Variants in MBTPS1 observed in about 807,000 individuals in gnomAD.
MBTPS1 encodes the protein membrane bound transcription factor peptidase, site 1, also known as membrane-bound transcription factor site-1 protease.
A neutral mutation model predicts 127.8 loss-of-function variants in MBTPS1; 94 were observed. That is an observed-to-expected ratio of 0.74 (90% CI 0.62 to 0.87). MBTPS1 has a LOEUF of 0.87. Ranked by LOEUF, MBTPS1 falls within the 40% of genes least tolerant of loss-of-function variation. The probability of loss-of-function intolerance (pLI) is 0.00; values close to 1 mark genes in which losing one functional copy is unlikely to be tolerated. For missense variants in MBTPS1, 1,636 were observed against 1,353.2 expected (o/e 1.21, Z -3.28); for synonymous variants, 632 against 509.4 (o/e 1.24, Z -3.24).
chr16:84,092,565 C>G (rs907897806), intron 6 of MBTPS1, among the ~76,000 whole-genome samples: 1 of 152,150 alleles, frequency 6.6e-6, no homozygotes, highest in African/African-American at 2.4e-5. Flanking sequence ...AGGAAAGAAC[C>G]TGCTGGACGG....
intron 11 of MBTPS1, among the ~76,000 whole-genome samples, chr16:84,080,535 C>T (rs547817903): frequency 1.3e-5 from 2 of 152,392 alleles, no homozygotes; most frequent in African/African-American, 4.8e-5. Flanking sequence ...CTGCAGGACA[C>T]TGCTGGCTGA....
At chr16:84,092,048 T>A (rs1159579273) in intron 6 of MBTPS1, among the ~76,000 whole-genome samples, 200 bp from the exon 7 acceptor site, 4 of 152,194 alleles carry the variant, frequency 2.6e-5, no homozygotes, top group Admixed American at 6.5e-5. Flanking sequence ...TCCTTGGAGC[T>A]GAACCTAAGG....
At chr16:84,112,745 C>T (rs1014292994) in intron 1 of MBTPS1, among the ~76,000 whole-genome samples, 2 of 150,908 alleles carry the variant, frequency 1.3e-5, no homozygotes, top group South Asian at 4.2e-4. Flanking sequence ...GAGGCCGAGA[C>T]GGGCAGATCA....
intron 13 of MBTPS1, among the ~76,000 whole-genome samples, chr16:84,070,345 T>C (rs899866238): frequency 2.6e-5 from 4 of 152,220 alleles, no homozygotes; most frequent in Non-Finnish European, 4.4e-5. Context: ...TGAAATCTGG[T>C]AGAAAACAGT....
At chr16:84,109,555 C>T (rs1404910798) in intron 1 of MBTPS1, 1 of 152,340 alleles carries the variant, frequency 6.6e-6, no homozygotes, top group Middle Eastern at 3.4e-3. Context: ...GGCATCACTT[C>T]TGGGAGGTTC....
chr16:84,054,499 G>A lies in MBTPS1; in HGVS notation c.3109C>T (p.Arg1037Cys), dbSNP rs996381223. ...RPKRRKPRVKRPQLMQQVHPP... is the reference protein window; with the variant it reads ...RPKRRKPRVKCPQLMQQVHPP... ...TGAACCTGCTGCATGAGCTGCGGGC[G>A]CTTCACCCTGGGCTTCCTCCGCTTC... The change falls in exon 23 of 23, where the codon CGC becomes TGC. Residue 1037 changes from arginine to cysteine, a missense_variant. By Grantham distance (180) the Arg-to-Cys change is radical. Coordinates refer to ENST00000343411, the MANE Select transcript of MBTPS1 (RefSeq NM_003791.4). 5.0e-6 allele frequency: 8 copies of A among 1,613,058 alleles called. No homozygotes were observed. The highest frequency in any genetic ancestry group is 1.1e-5 in the South Asian group (1 of 90,984).
intron 1 of MBTPS1, among the ~76,000 whole-genome samples, chr16:84,114,502 C>A (rs1487248809): frequency 6.6e-6 from 1 of 152,038 alleles, no homozygotes; most frequent in Non-Finnish European, 1.5e-5. Flanking sequence ...ACATAGGGCA[C>A]CTCCAAACTT....
In MBTPS1 at chr16:84,060,701, G is replaced by C. The variant is rs776882618; in HGVS notation, c.2685C>G (p.Val895=). 3 of 1,614,030 alleles carry C rather than the reference G, an allele frequency of 1.9e-6. No individual in the cohort carries two copies. Among genetic ancestry groups the C allele is most frequent in the Admixed American group, 3.3e-5 (2 of 60,018 alleles). Reference sequence around the variant, plus strand: ...ACTCACCTTCCATCCTCTCTGGAGTGACTGAGCCTGCTCCACTGGGAGGGC... The same window carrying C: ...ACTCACCTTCCATCCTCTCTGGAGTCACTGAGCCTGCTCCACTGGGAGGGC... ...RQRPPSGAGS[V]TPERMEGNHL... Residue 895 remains valine (V), a synonymous_variant, in exon 20 of 23, where the codon GTC becomes GTG. Transcript: ENST00000343411.
rs1423319967 is a variant in MBTPS1, at chr16:84,116,757, C to A, written c.-347G>T. The A allele has an allele frequency of 6.6e-6, 1 of 152,122 alleles. No individual in the cohort carries two copies. Among genetic ancestry groups the A allele is most frequent in the Non-Finnish European group, 1.5e-5 (1 of 68,038 alleles). The allele number at this position is 152,122 out of a possible 1,614,324, so 9.4% of individuals were successfully genotyped here. On this transcript the variant is annotated 5_prime_UTR_variant, in exon 1 of 23. Coordinates refer to ENST00000343411, the MANE Select transcript of MBTPS1 (RefSeq NM_003791.4). ...TACCTGCGCCGCCGGGAGCTCAGGG[C>A]CGGCGGGCCCGGGATAACGGCGCCT...
intron 3 of MBTPS1, among the ~76,000 whole-genome samples, chr16:84,096,158 G>C (rs1004382678): frequency 1.3e-5 from 2 of 152,016 alleles, no homozygotes; most frequent in African/African-American, 4.8e-5. Context: ...GAACCAGAAG[G>C]GGGAAAAGTT....
chr16:84,098,708 G>A (rs773839407), intron 3 of MBTPS1, among the ~76,000 whole-genome samples: 3 of 152,220 alleles, frequency 2.0e-5, no homozygotes, highest in African/African-American at 4.8e-5. Context: ...CTTTCAGCAC[G>A]AGAAGGCGGC....
intron 8 of MBTPS1, among the ~76,000 whole-genome samples, chr16:84,089,247 C>T (rs2086071523): frequency 6.6e-6 from 1 of 152,248 alleles, no homozygotes; most frequent in Non-Finnish European, 1.5e-5. Context: ...CCAACTACGG[C>T]CCATGGGCCA....
At chr16:84,098,056 G>A (rs528370747) in intron 3 of MBTPS1, among the ~76,000 whole-genome samples, 1 of 152,102 alleles carries the variant, frequency 6.6e-6, no homozygotes, top group East Asian at 1.9e-4. Context: ...TTTTCCTTTG[G>A]TAACACATAT....
rs565150277 is a variant in MBTPS1 at position 84,082,364 on chromosome 16, G to A, written c.1287-456C>T. 5.3e-5 allele frequency among the ~76,000 whole-genome samples: 8 copies of A among 152,268 alleles called. No individual in the cohort carries two copies. In the South Asian group the frequency reaches 1.0e-3, roughly 20 times the overall value. ...GGAGGCACAGGTCTGAGTGAGGACC[G>A]CCGCCTCCAAAGCCAATCCTTGCCT... On this transcript the variant is annotated intron_variant, in intron 10 of 22. Transcript: ENST00000343411.
intron 1 of MBTPS1, among the ~76,000 whole-genome samples, chr16:84,103,867 G>T (rs2086289726): frequency 1.3e-5 from 2 of 152,202 alleles, no homozygotes; most frequent in African/African-American, 4.8e-5. Context: ...CATCAGAAAT[G>T]AGTCAAAGTT....
chr16:84,099,146 G>C lies in MBTPS1; in HGVS notation c.328C>G (p.Gln110Glu). 6.2e-7 allele frequency: 1 copy of C among 1,614,128 alleles called. No individual in the cohort carries two copies. The highest frequency in any genetic ancestry group is 8.5e-7 in the Non-Finnish European group (1 of 1,180,024). Reference protein sequence around the residue: ...DFEVIQIKEKQKAGLLTLEDH... With the variant: ...DFEVIQIKEKEKAGLLTLEDH... The stretch of plus-strand genomic sequence containing the variant: ...TCAAGTGTTAGCAGCCCCGCTTTCT[G>C]TTTTTCTTTTATCTGAATCACCTCA... Residue 110 changes from glutamine to glutamate, a missense_variant, in exon 3 of 23, where the codon CAG becomes GAG. Coordinates refer to ENST00000343411, the MANE Select transcript of MBTPS1 (RefSeq NM_003791.4).
chr16:84,069,708 T>G (rs1003388353), intron 14 of MBTPS1, among the ~76,000 whole-genome samples, 158 bp downstream of exon 14: 2 of 152,254 alleles, frequency 1.3e-5, no homozygotes, highest in Non-Finnish European at 2.9e-5. Flanking sequence ...GAAGTCAGGC[T>G]GCCCTAAGTG....
At chr16:84,086,581 G>C (rs928003094) in intron 9 of MBTPS1, 3 of 152,290 alleles carry the variant, frequency 2.0e-5, no homozygotes, top group Admixed American at 1.3e-4. Context: ...CAGGCAGAAG[G>C]CTATCCTGTA....
At chr16:84,068,497 C>T in intron 14 of MBTPS1, 43 bp from the exon 15 acceptor site, 3 of 1,366,894 alleles carry the variant, frequency 2.2e-6, no homozygotes, top group Non-Finnish European at 3.1e-6. Flanking sequence ...TCGATCTTTA[C>T]TGGCAATAAA....
Sources: allele counts gnomAD v4.1 joint callset (sites outside exome capture counted in the v4.1 genomes callset), GRCh38; gene constraint gnomAD v4.1.1; transcripts MANE v1.5; gene names NCBI Gene and HGNC (gene_info 2026-07-23, HGNC 2026-07-21).